The following SETD7 variants were observed in gnomAD, a reference collection of about 807,000 sequenced individuals.
The protein encoded by SETD7 is SET domain containing 7, histone lysine methyltransferase.
In SETD7, 16 loss-of-function variants were observed where a neutral mutation model predicts 41.8. The observed-to-expected ratio is 0.38, with a 90% CI of 0.26 to 0.58. The LOEUF (loss-of-function observed/expected upper bound fraction) is 0.58. SETD7 is among the 20% of genes least tolerant of loss of function. SETD7 has a pLI of 0.64. For synonymous variants in SETD7, 163 were observed against 169.7 expected (o/e 0.96, Z 0.31); for missense variants, 346 against 459.7 (o/e 0.75, Z 2.26).
chr4:139,550,775 A>G (rs1728088426), intron 1 of SETD7, among the ~76,000 whole-genome samples: 1 of 152,244 alleles, frequency 6.6e-6, no homozygotes, highest in South Asian at 2.1e-4. Flanking sequence ...GGAGAAAAAA[A>G]GTGTATGAAT....
intron 7 of SETD7, among the ~76,000 whole-genome samples, chr4:139,497,578 T>C (rs1035931019): frequency 2.7e-5 from 4 of 150,228 alleles, no homozygotes; most frequent in Admixed American, 1.3e-4. Flanking sequence ...TCATGTTTTT[T>C]TTGTTTTTTT....
rs1012787700 is a variant in SETD7, at chr4:139,517,275, G to A, written c.920+610C>T. On this transcript the variant is annotated intron_variant, in intron 7 of 7. Transcript: ENST00000274031. ...GGATCACCTGAGGTCAGAAGTTCGA[G>A]ATTAGCCTGACTGACATGGTGAAAA... Among the ~76,000 whole-genome samples the A allele has an allele frequency of 5.3e-5, 8 of 152,272 alleles. 1 individual carries two copies. The South Asian group carries it at 1.7e-3, about 32-fold the overall frequency.
rs1378546701 is a variant in SETD7 at position 139,555,464 on chromosome 4, C to T, written c.40+634G>A. Among the ~76,000 whole-genome samples, 2 of 152,072 alleles carry T rather than the reference C, an allele frequency of 1.3e-5. No individual in the cohort carries two copies. Among genetic ancestry groups the T allele is most frequent in the South Asian group, 2.1e-4 (1 of 4,822 alleles). On this transcript the variant is annotated intron_variant, in intron 1 of 7. Transcript: ENST00000274031. The surrounding 1 kb of genome is among the most constrained non-coding windows in gnomAD (Gnocchi z 4.0). The stretch of plus-strand genomic sequence containing the variant: ...GGGGGCAGCTGAGGGGAGGGCTGCC[C>T]GCCTCCCGGACGGCGCACGTTCGAG...
intron 2 of SETD7, among the ~76,000 whole-genome samples, chr4:139,541,236 A>G (rs1004903670): frequency 6.6e-6 from 1 of 152,208 alleles, no homozygotes; most frequent in Non-Finnish European, 1.5e-5. Flanking sequence ...CGCAAAGCCA[A>G]TCTGAAGAAA....
At chr4:139,552,653 C>T (rs1161570900) in intron 1 of SETD7, among the ~76,000 whole-genome samples, 2 of 152,166 alleles carry the variant, frequency 1.3e-5, no homozygotes, top group African/African-American at 4.8e-5. Flanking sequence ...CTTGTAAGCT[C>T]CATGTTGCAG....
rs563695635 is a variant in SETD7 at position 139,508,736 on chromosome 4, C to G, written c.*2927G>C. 1.4e-4 allele frequency: 21 copies of G among 152,310 alleles called. No individual in the cohort carries two copies. The highest frequency in any genetic ancestry group is 4.8e-4 in the African/African-American group (20 of 41,554). The allele number at this position is 152,310 out of a possible 1,614,324, so 9.4% of individuals were successfully genotyped here. A position where few individuals can be genotyped will look rare whatever the true frequency, so the allele number is the denominator to read the frequency against. ...GATGCGATGAAATGACCAGATGCAGCGGCTTCCTGACACATTTCCTTCCCC... is the reference window on the plus strand; with the variant it reads ...GATGCGATGAAATGACCAGATGCAGGGGCTTCCTGACACATTTCCTTCCCC... On this transcript the variant is annotated 3_prime_UTR_variant, in exon 8 of 8. Transcript: ENST00000274031.
intron 2 of SETD7, among the ~76,000 whole-genome samples, chr4:139,545,897 G>A (rs1004462781): frequency 2.0e-5 from 3 of 152,104 alleles, no homozygotes; most frequent in Admixed American, 6.5e-5. Context: ...CCCAACCAAC[G>A]GGTCTGAAAA....
At chr4:139,502,188 G>A (rs989471140), downstream of SETD7, among the ~76,000 whole-genome samples, 6 of 152,170 alleles carry the variant, frequency 3.9e-5, no homozygotes, top group Non-Finnish European at 1.5e-5. Context: ...TGCTTACAGT[G>A]TATCAAATGT....
At chr4:139,548,017 AC>A (rs1728010544) in intron 1 of SETD7, 1 of 152,186 alleles carries the variant, frequency 6.6e-6, no homozygotes, top group African/African-American at 2.4e-5. Flanking sequence ...CCCAGGAATC[AC>A]CTTATTGGTG....
At chr4:139,549,936 C>T (rs1282332927) in intron 1 of SETD7, among the ~76,000 whole-genome samples, 1 of 152,124 alleles carries the variant, frequency 6.6e-6, no homozygotes, top group Non-Finnish European at 1.5e-5. Flanking sequence ...TGCCACCAAG[C>T]CCAGCTTATT....
chr4:139,526,525 C>G (rs1448154426), intron 4 of SETD7, among the ~76,000 whole-genome samples: 2 of 150,632 alleles, frequency 1.3e-5, no homozygotes, highest in African/African-American at 4.9e-5. Flanking sequence ...CTCAAGTGAT[C>G]CACCTGGCTT....
At chr4:139,554,807 A>G (rs535150811) in intron 1 of SETD7, among the ~76,000 whole-genome samples, 1 of 152,394 alleles carries the variant, frequency 6.6e-6, no homozygotes, top group East Asian at 1.9e-4. Context: ...AGATCTCAGA[A>G]GCACTGCAAA....
At chr4:139,527,576 T>C (rs539704459) in intron 4 of SETD7, among the ~76,000 whole-genome samples, 2 of 151,900 alleles carry the variant, frequency 1.3e-5, no homozygotes, top group South Asian at 2.1e-4. Context: ...TAAAATGAAA[T>C]AAAAACAAAA....
At chr4:139,512,192 A>T (rs895801630) in intron 7 of SETD7, among the ~76,000 whole-genome samples, 1 of 152,206 alleles carries the variant, frequency 6.6e-6, no homozygotes. Context: ...ATCTGTCGTT[A>T]ATGAGAAATC....
chr4:139,498,398 T>C (rs564152974), intron 7 of SETD7, among the ~76,000 whole-genome samples: 34 of 152,302 alleles, frequency 2.2e-4, no homozygotes, highest in South Asian at 1.0e-3. Flanking sequence ...CCCCAGAATC[T>C]ACTGAAGTTA....
intron 2 of SETD7, among the ~76,000 whole-genome samples, chr4:139,535,677 C>G (rs190634277): frequency 6.6e-6 from 1 of 152,180 alleles, no homozygotes; most frequent in Non-Finnish European, 1.5e-5. Flanking sequence ...TGCTATTTCC[C>G]TCTTAGCCCA....
intron 2 of SETD7, 105 bp downstream of exon 2, chr4:139,546,815 A>G (rs1265494663): frequency 6.7e-7 from 1 of 1,501,490 alleles, no homozygotes; most frequent in Non-Finnish European, 9.2e-7. Context: ...TTACCCATTG[A>G]ATAAATTGTA....
chr4:139,536,077 T>C (rs1727628778), intron 2 of SETD7, among the ~76,000 whole-genome samples: 1 of 152,122 alleles, frequency 6.6e-6, no homozygotes, highest in Non-Finnish European at 1.5e-5. Context: ...GCTGCTTTCA[T>C]ACTACAACAG....
chr4:139,546,883 G>A, intron 2 of SETD7, 37 bp downstream of exon 2: 2 of 1,613,430 alleles, frequency 1.2e-6, no homozygotes, highest in Non-Finnish European at 1.7e-6. Flanking sequence ...AAATAATTCG[G>A]TACCCCCAAA....
Sources: allele counts gnomAD v4.1 joint callset (sites outside exome capture counted in the v4.1 genomes callset), GRCh38; gene constraint gnomAD v4.1.1; non-coding constraint Gnocchi (gnomAD v3.1); transcripts MANE v1.5; gene names NCBI Gene and HGNC (gene_info 2026-07-23, HGNC 2026-07-21).